KCNT2: variants seen among roughly 807,000 people sequenced by gnomAD.
KCNT2 encodes potassium channel subfamily T member 2.
A neutral mutation model predicts 153.8 loss-of-function variants in KCNT2; 67 were observed. The ratio of observed to expected loss-of-function variants is 0.44; its 90% CI spans 0.36 to 0.53. The LOEUF is 0.53. Among genes scored for constraint, KCNT2 ranks in the 20% least tolerant of loss-of-function variants. The probability of loss-of-function intolerance (pLI) is 0.00; values close to 1 mark genes in which losing one functional copy is unlikely to be tolerated. For missense variants in KCNT2, 975 were observed against 1,354.8 expected (o/e 0.72, Z 4.40); for synonymous variants, 500 against 458.8 (o/e 1.09, Z -1.15).
intron 14 of KCNT2, among the ~76,000 whole-genome samples, chr1:196,343,612 C>T (rs1665871451): frequency 6.6e-6 from 1 of 152,070 alleles, no homozygotes; most frequent in Non-Finnish European, 1.5e-5. Context: ...TTCAAATTGT[C>T]AATAAGCTTT....
At chr1:196,557,610 C>T (rs1326784748) in intron 1 of KCNT2, among the ~76,000 whole-genome samples, 2 of 150,968 alleles carry the variant, frequency 1.3e-5, no homozygotes, top group African/African-American at 4.8e-5. Flanking sequence ...TAGTCTGGCC[C>T]ATCATGTACA....
chr1:196,431,523 G>C (rs1434657427), intron 8 of KCNT2, among the ~76,000 whole-genome samples: 1 of 152,036 alleles, frequency 6.6e-6, no homozygotes, highest in Admixed American at 6.6e-5. Context: ...TGAGTTCTTA[G>C]ACAGAAATGA....
At chr1:196,328,351 G>A (rs999560574) in intron 18 of KCNT2, among the ~76,000 whole-genome samples, 3 of 151,832 alleles carry the variant, frequency 2.0e-5, no homozygotes, top group Non-Finnish European at 1.5e-5. Flanking sequence ...ACAGAACCTA[G>A]GGTGAAAAAA....
chr1:196,549,851 C>G (rs1657655418), intron 1 of KCNT2, among the ~76,000 whole-genome samples: 1 of 151,834 alleles, frequency 6.6e-6, no homozygotes, highest in Non-Finnish European at 1.5e-5. Context: ...AACACACAAC[C>G]TTTTGCAAGA....
rs561220070 is a variant in KCNT2 at position 196,229,205 on chromosome 1, G to A, written c.3297-870C>T. 4.9e-4 allele frequency among the ~76,000 whole-genome samples: 75 copies of A among 152,062 alleles called. 1 individual carries two copies. Among genetic ancestry groups the A allele is most frequent in the Middle Eastern group, 3.4e-3 (1 of 294 alleles). On this transcript the variant is annotated intron_variant, in intron 27 of 27. Coordinates refer to ENST00000294725, the MANE Select transcript of KCNT2 (RefSeq NM_198503.5). The stretch of plus-strand genomic sequence containing the variant: ...TGGCAACCCTGAATCAAGCAAGTCC[G>A]TTGGAGACATTTTTTCCAGCATGTG...
intron 1 of KCNT2, among the ~76,000 whole-genome samples, chr1:196,498,949 T>C (rs1680462159): frequency 6.6e-6 from 1 of 152,218 alleles, no homozygotes; most frequent in African/African-American, 2.4e-5. Context: ...TATTTGGGAA[T>C]GAGGTCATTG....
At chr1:196,308,982 T>C (rs1314704124) in intron 21 of KCNT2, among the ~76,000 whole-genome samples, 1 of 151,976 alleles carries the variant, frequency 6.6e-6, no homozygotes, top group African/African-American at 2.4e-5. Flanking sequence ...ACACATAAAG[T>C]AAGATTCCTG....
chr1:196,508,189 C>CAAAAAAAAAAAAAAAAAAAAAAAAGA (rs1681311303), intron 1 of KCNT2, among the ~76,000 whole-genome samples: 1 of 59,986 alleles, frequency 1.7e-5, no homozygotes, highest in Non-Finnish European at 3.0e-5. Flanking sequence ...CCCTAAGTAG[C>CAAAAAAAAAAAAAAAAAAAAAAAAGA]AAAAAAAAAA....
chr1:196,383,732 C>A (rs1669706498), intron 13 of KCNT2, among the ~76,000 whole-genome samples: 1 of 152,094 alleles, frequency 6.6e-6, no homozygotes, highest in Non-Finnish European at 1.5e-5. Context: ...TTTTGAATCA[C>A]GCATTCTATG....
chr1:196,309,533 C>CTACA (rs1467299477), intron 21 of KCNT2, among the ~76,000 whole-genome samples: 14 of 151,710 alleles, frequency 9.2e-5, no homozygotes, highest in Admixed American at 7.9e-4. Context: ...ATAAATGAAC[C>CTACA]TACAACATTT....
chr1:196,243,835 G>A (rs2102268823), intron 26 of KCNT2, among the ~76,000 whole-genome samples: 1 of 152,272 alleles, frequency 6.6e-6, no homozygotes, highest in South Asian at 2.1e-4. Flanking sequence ...ACTTGATGGG[G>A]CACATGACCC....
At position 196,243,254 on chromosome 1, in the gene KCNT2, A is replaced by G. The variant is rs554237977; in HGVS notation, c.3212-7184T>C. Among the ~76,000 whole-genome samples, 3 of 152,312 alleles carry G rather than the reference A, an allele frequency of 2.0e-5. No individual in the cohort carries two copies. The East Asian group carries it at 5.8e-4, about 29-fold the overall frequency. ...TCTTCTTTTCATTGCATGAAAAAAC[A>G]TTTTTAAGAAGTGTTTTTCCACAGA... On this transcript the variant is annotated intron_variant, in intron 26 of 27. Coordinates refer to ENST00000294725, the MANE Select transcript of KCNT2 (RefSeq NM_198503.5).
intron 13 of KCNT2, among the ~76,000 whole-genome samples, chr1:196,380,237 T>C (rs995300051): frequency 3.9e-5 from 6 of 152,214 alleles, no homozygotes; most frequent in African/African-American, 1.4e-4. Flanking sequence ...ATATGACTTT[T>C]AAAATAGTAG....
rs370906694 is a variant in KCNT2, at chr1:196,307,719, T to C, written c.2484-2374A>G. On this transcript the variant is annotated intron_variant, in intron 21 of 27. Coordinates refer to ENST00000294725, the MANE Select transcript of KCNT2 (RefSeq NM_198503.5). Reference sequence around the variant, plus strand: ...ATCCATATTTCACATGATTTTCTTTTAGCAGCTCTATTCTCACTCAAAAGT... The same window carrying C: ...ATCCATATTTCACATGATTTTCTTTCAGCAGCTCTATTCTCACTCAAAAGT... Among the ~76,000 whole-genome samples the C allele has an allele frequency of 3.9e-5, 6 of 152,226 alleles. No individual in the cohort carries two copies. In the East Asian group the frequency reaches 1.2e-3, roughly 30 times the overall value.
intron 1 of KCNT2, among the ~76,000 whole-genome samples, chr1:196,604,342 C>A (rs1665080339): frequency 6.6e-6 from 1 of 152,190 alleles, no homozygotes; most frequent in African/African-American, 2.4e-5. Flanking sequence ...CAAAACCTAA[C>A]TTAATGGGGC....
At chr1:196,405,792 AT>A (rs1671781197) in intron 12 of KCNT2, among the ~76,000 whole-genome samples, 1 of 151,488 alleles carries the variant, frequency 6.6e-6, no homozygotes, top group East Asian at 2.0e-4. Context: ...TGGACACTTT[AT>A]TTTTTAAGAT....
chr1:196,335,295 T>C (rs1190098727), intron 16 of KCNT2, among the ~76,000 whole-genome samples: 1 of 152,150 alleles, frequency 6.6e-6, no homozygotes, highest in Non-Finnish European at 1.5e-5. Context: ...TCTTAGATAT[T>C]CAAACATCAT....
Position 196,342,587 on chromosome 1 carries a change from T to C in KCNT2, c.1404-359A>G, listed in dbSNP as rs1052185031. Among the ~76,000 whole-genome samples, 13 of 151,556 alleles carry C rather than the reference T, an allele frequency of 8.6e-5. No homozygotes were observed. The East Asian group carries it at 1.4e-3, about 16-fold the overall frequency. On this transcript the variant is annotated intron_variant, in intron 14 of 27. Transcript: ENST00000294725. ...AGTCTCTCTTTATATACATATCCTA[T>C]CATGTATATCTTCTAAAATTTGTTG...
At chr1:196,315,016 T>C (rs1258235040) in intron 21 of KCNT2, among the ~76,000 whole-genome samples, 2 of 151,702 alleles carry the variant, frequency 1.3e-5, no homozygotes, top group African/African-American at 4.8e-5. Flanking sequence ...GACACGCATC[T>C]AGGCTCTCTC....
Sources: allele counts gnomAD v4.1 joint callset (sites outside exome capture counted in the v4.1 genomes callset), GRCh38; gene constraint gnomAD v4.1.1; transcripts MANE v1.5; gene names NCBI Gene and HGNC (gene_info 2026-07-23, HGNC 2026-07-21).